Variants in UNKL observed in about 807,000 individuals in gnomAD.
UNKL encodes unk like zinc finger.
A neutral mutation model predicts 78.0 loss-of-function variants in UNKL; 60 were observed. That is an observed-to-expected ratio of 0.77 (90% CI 0.63 to 0.95). The LOEUF (loss-of-function observed/expected upper bound fraction) is 0.95, where lower values mean the gene tolerates loss of function less well. Ranked by LOEUF, UNKL falls within the 40% of genes least tolerant of loss-of-function variation. The probability of loss-of-function intolerance (pLI) is 0.00; values close to 1 mark genes in which losing one functional copy is unlikely to be tolerated. For missense variants in UNKL, 1,159 were observed against 1,045.7 expected, an observed-to-expected ratio of 1.11 and a Z score of -1.49; for synonymous variants, 608 against 474.8, an observed-to-expected ratio of 1.28 and a Z score of -3.65.
chr16:1,382,637 G>C (rs564784826), intron 10 of UNKL, among the ~76,000 whole-genome samples: 3 of 152,188 alleles, frequency 2.0e-5, no homozygotes, highest in African/African-American at 7.2e-5. Flanking sequence ...GGCCACAAAA[G>C]TTCCCAGTAT....
At chr16:1,391,835 A>G (rs1398093885) in intron 8 of UNKL, among the ~76,000 whole-genome samples, 1 of 151,806 alleles carries the variant, frequency 6.6e-6, no homozygotes, top group African/African-American at 2.4e-5. Context: ...TTACAGGCGC[A>G]CGCCACCACG....
At chr16:1,407,183 C>T (rs549267795) in intron 2 of UNKL, 2 of 151,690 alleles carry the variant, frequency 1.3e-5, no homozygotes, top group African/African-American at 2.4e-5. Context: ...AAAGATCAGA[C>T]TCCAGACCCG....
chr16:1,380,654 TCTGAG>T (rs1393463966), intron 10 of UNKL, among the ~76,000 whole-genome samples: 1 of 142,156 alleles, frequency 7.0e-6, no homozygotes, highest in East Asian at 2.1e-4. Context: ...TCTCTTCACC[TCTGAG>T]TAGCTGGTTC....
chr16:1,413,545 G>T (rs966424670), intron 2 of UNKL, among the ~76,000 whole-genome samples: 1 of 152,230 alleles, frequency 6.6e-6, no homozygotes, highest in Non-Finnish European at 1.5e-5. Context: ...TCCAGCCAGA[G>T]CAACAAGAGT....
In UNKL at chr16:1,387,269, A is replaced by G. The variant is rs1202126319; in HGVS notation, c.1087-1884T>C. On this transcript the variant is annotated intron_variant, in intron 9 of 14. Coordinates refer to ENST00000389221, the MANE Select transcript of UNKL (RefSeq NM_001372107.1). This position sits in a 1 kb window ranked among gnomAD's most constrained non-coding sequence, Gnocchi z 4.1. ...ATGGTGCTGCCAATACCCCCTATCA[A>G]TCCCCCATGGTGAGCCTGGTGACAG... is the stretch of plus-strand genomic sequence containing the variant. Among the ~76,000 whole-genome samples, 1 of 151,930 alleles carries G rather than the reference A, an allele frequency of 6.6e-6. No homozygotes were observed.
chr16:1,408,096 C>T (rs1047929104), intron 2 of UNKL, among the ~76,000 whole-genome samples: 6 of 152,158 alleles, frequency 3.9e-5, no homozygotes, highest in Admixed American at 1.3e-4. Flanking sequence ...CAGAGCCAGA[C>T]CCTGGCTCAA....
At chr16:1,406,876 G>A (rs2037788054) in intron 2 of UNKL, among the ~76,000 whole-genome samples, 1 of 151,648 alleles carries the variant, frequency 6.6e-6, no homozygotes, top group Non-Finnish European at 1.5e-5. Flanking sequence ...AGTGGCTCAC[G>A]CCTGTCATTC....
Position 1,387,457 on chromosome 16 carries a change from G to A in UNKL, c.1087-2072C>T, listed in dbSNP as rs527435764. On this transcript the variant is annotated intron_variant, in intron 9 of 14. Coordinates refer to ENST00000389221, the MANE Select transcript of UNKL (RefSeq NM_001372107.1). The surrounding 1 kb of genome is among the most constrained non-coding windows in gnomAD (Gnocchi z 4.1). The stretch of plus-strand genomic sequence containing the variant: ...CCAGGAAGGCTGAGAAGGACCTCTT[G>A]ACAGACGTTCTGGTGACCAGACATC... Among the ~76,000 whole-genome samples the A allele has an allele frequency of 6.6e-6, 1 of 152,194 alleles. No individual in the cohort carries two copies. Among genetic ancestry groups the A allele is most frequent in the African/African-American group, 2.4e-5 (1 of 41,442 alleles).
chr16:1,400,417 C>CAAAAAAAAAAAAAAAAAAAAAAAAA (rs56093103), intron 4 of UNKL, among the ~76,000 whole-genome samples: 1 of 30,760 alleles, frequency 3.3e-5, no homozygotes, highest in African/African-American at 8.9e-5. Flanking sequence ...GACTCCATCT[C>CAAAAAAAAAAAAAAAAAAAAAAAAA]AAAAAAAAAA....
intron 12 of UNKL, 89 bp downstream of exon 12, chr16:1,370,041 G>C: frequency 6.4e-7 from 1 of 1,550,990 alleles, no homozygotes; most frequent in East Asian, 2.4e-5. Flanking sequence ...ACAAGGTTCC[G>C]TGTGAGGCCC....
chr16:1,399,853 G>C lies in UNKL; in HGVS notation c.599-344C>G, dbSNP rs2037440183. 1.3e-5 allele frequency among the ~76,000 whole-genome samples: 2 copies of C among 152,274 alleles called. No homozygotes were observed. The highest frequency in any genetic ancestry group is 1.5e-5 in the Non-Finnish European group (1 of 68,026). On this transcript the variant is annotated intron_variant, in intron 4 of 14. Coordinates refer to ENST00000389221, the MANE Select transcript of UNKL (RefSeq NM_001372107.1). This position sits in a 1 kb window ranked among gnomAD's most constrained non-coding sequence, Gnocchi z 5.8. ...GGGATGAAAATGTTCTCCAACTAGAGAGAGGTGATGTGTGCACAGCTTTTG... is the reference window on the plus strand; with the variant it reads ...GGGATGAAAATGTTCTCCAACTAGACAGAGGTGATGTGTGCACAGCTTTTG...
intron 12 of UNKL, among the ~76,000 whole-genome samples, chr16:1,368,368 C>A (rs1032495374): frequency 6.6e-6 from 1 of 151,902 alleles, no homozygotes; most frequent in Non-Finnish European, 1.5e-5. Context: ...TTTGGGAGGC[C>A]GAGGCGGGTG....
intron 4 of UNKL, 45 bp downstream of exon 4, chr16:1,401,523 G>GGGGGGCCC: frequency 6.8e-7 from 1 of 1,470,334 alleles, no homozygotes; most frequent in Non-Finnish European, 9.1e-7. Flanking sequence ...CTCGCGCTGT[G>GGGGGGCCC]CCCGCCCCCC....
chr16:1,396,497 A>C (rs1332147774), intron 6 of UNKL, among the ~76,000 whole-genome samples: 1 of 149,374 alleles, frequency 6.7e-6, no homozygotes, highest in East Asian at 2.0e-4. Flanking sequence ...GCTGGTTTCG[A>C]ACCCCTGACC....
intron 10 of UNKL, chr16:1,379,673 G>T (rs2036513502): frequency 1.0e-6 from 1 of 984,286 alleles, no homozygotes; most frequent in South Asian, 4.7e-5. Context: ...CGCCGCCGCC[G>T]GGGATTCAAA....
In UNKL at chr16:1,367,278, C is replaced by G; in HGVS notation, c.1860G>C (p.Gln620His). ...ERARVADSDR[Q>H]LALQKKEEVE... ...CCTCCTCCTTCTTCTGCAGCGCCAG[C>G]TGCCGGTCGCTATCGGCCACACGGG... Residue 620 changes from glutamine (Q) to histidine (H), a missense_variant, in exon 14 of 15, where the codon CAG becomes CAC. Coordinates refer to ENST00000389221, the MANE Select transcript of UNKL (RefSeq NM_001372107.1). 1.3e-6 allele frequency: 2 copies of G among 1,569,344 alleles called. No individual in the cohort carries two copies. The highest frequency in any genetic ancestry group is 1.7e-6 in the Non-Finnish European group (2 of 1,161,822).
intron 10 of UNKL, among the ~76,000 whole-genome samples, chr16:1,380,184 A>G (rs1438970976): frequency 6.6e-6 from 1 of 152,224 alleles, no homozygotes; most frequent in Non-Finnish European, 1.5e-5. Context: ...GTCTGAAATG[A>G]TCCCACTAAA....
intron 5 of UNKL, among the ~76,000 whole-genome samples, chr16:1,398,000 G>T (rs539962346): frequency 6.6e-6 from 1 of 152,360 alleles, no homozygotes; most frequent in African/African-American, 2.4e-5. Flanking sequence ...CCCCGGGGCT[G>T]TTCTTCACAG....
At chr16:1,371,673 G>C (rs1953512683) in intron 10 of UNKL, 62 bp from the exon 11 acceptor site, 1 of 1,502,710 alleles carries the variant, frequency 6.7e-7, no homozygotes, top group Non-Finnish European at 8.9e-7. Flanking sequence ...AGGAAGCCTA[G>C]CTGAGGAGGA....
Sources: allele counts gnomAD v4.1 joint callset (sites outside exome capture counted in the v4.1 genomes callset), GRCh38; gene constraint gnomAD v4.1.1; non-coding constraint Gnocchi (gnomAD v3.1); transcripts MANE v1.5; gene names NCBI Gene and HGNC (gene_info 2026-07-23, HGNC 2026-07-21).